The following KCNQ1OT1 variants were observed in gnomAD, a reference collection of about 807,000 sequenced individuals.
KCNQ1OT1 encodes the protein KCNQ1 antisense RNA 2 (non-protein coding).
Position 2,695,381 on chromosome 11 carries a change from G to C in KCNQ1OT1, n.4614C>G, listed in dbSNP as rs1470768343. ...ACTCCCTAGTACTGCGTGTCTGGGT[G>C]GTGTGTAATTTTAATTTAAATACAC... On this transcript the variant is annotated non_coding_transcript_exon_variant, in exon 1 of 1. Transcript: ENST00000597346. The surrounding 1 kb of genome is among the most constrained non-coding windows in gnomAD (Gnocchi z 5.2). The C allele has an allele frequency of 2.5e-6, 1 of 398,380 alleles. No individual in the cohort carries two copies. Among genetic ancestry groups the C allele is most frequent in the Non-Finnish European group, 4.4e-6 (1 of 226,060 alleles). 24.7% of individuals were successfully genotyped at this position (398,380 alleles called of 1,614,324 possible). A position where few individuals can be genotyped will look rare whatever the true frequency, so the allele number is the denominator to read the frequency against.
chr11:2,634,208 T>C (rs1159032229), exon 1 of KCNQ1OT1: 1 of 396,108 alleles, frequency 2.5e-6, no homozygotes, highest in Non-Finnish European at 4.4e-6. Flanking sequence ...CTAGGGTACA[T>C]GTGCACAACG....
chr11:2,629,477 T>A, exon 1 of KCNQ1OT1: 1 of 398,516 alleles, frequency 2.5e-6, no homozygotes. Context: ...TACATTTAGG[T>A]CTGTGGTCCA....
exon 1 of KCNQ1OT1, chr11:2,681,488 G>C (rs1258679111): frequency 5.0e-6 from 2 of 398,294 alleles, no homozygotes; most frequent in Non-Finnish European, 8.8e-6. Context: ...ATGAGAAATG[G>C]GACTTAGTAA....
At chr11:2,646,497 C>T in exon 1 of KCNQ1OT1, 1 of 398,548 alleles carries the variant, frequency 2.5e-6, no homozygotes, top group East Asian at 3.6e-5. Flanking sequence ...GGCTAATTTG[C>T]TGTTTCACAG....
In KCNQ1OT1 at chr11:2,674,624, G is replaced by C; in HGVS notation, n.25371C>G. ...GGCTCTGGCTTAAAACAGTCACAGC[G>C]AAACATGCCTTTGAATTGGAAAGCC... On this transcript the variant is annotated non_coding_transcript_exon_variant, in exon 1 of 1. Coordinates refer to ENST00000597346, the Ensembl canonical transcript of KCNQ1OT1. This position sits in a 1 kb window ranked among gnomAD's most constrained non-coding sequence, Gnocchi z 5.9. 2.5e-6 allele frequency: 1 copy of C among 398,590 alleles called. No individual in the cohort carries two copies. Among genetic ancestry groups the C allele is most frequent in the East Asian group, 3.6e-5 (1 of 28,062 alleles). The allele number at this position is 398,590 out of a possible 1,614,324, so 24.7% of individuals were successfully genotyped here.
At position 2,627,929 on chromosome 11, in the gene KCNQ1OT1, T is replaced by C. The variant is rs561744070; in HGVS notation, n.72066A>G. ...CCATGCCCAGCTAATTTTTAAAATT[T>C]TATGTAGAGATAGGGTATCACTATG... On this transcript the variant is annotated non_coding_transcript_exon_variant, in exon 1 of 1. Coordinates refer to ENST00000597346, the Ensembl canonical transcript of KCNQ1OT1. This position sits in a 1 kb window ranked among gnomAD's most constrained non-coding sequence, Gnocchi z 4.9. 17 of 398,508 alleles carry C rather than the reference T, an allele frequency of 4.3e-5. No homozygotes were observed. Among genetic ancestry groups the C allele is most frequent in the Non-Finnish European group, 7.1e-5 (16 of 226,066 alleles). The allele number at this position is 398,508 out of a possible 1,614,324, so 24.7% of individuals were successfully genotyped here.
At chr11:2,633,805 A>G (rs1237617021) in exon 1 of KCNQ1OT1, 8 of 398,520 alleles carry the variant, frequency 2.0e-5, no homozygotes, top group Non-Finnish European at 2.7e-5. Context: ...GACCCCCTGT[A>G]TATACCAAAA....
exon 1 of KCNQ1OT1, chr11:2,650,098 A>G: frequency 2.5e-6 from 1 of 397,734 alleles, no homozygotes; most frequent in Non-Finnish European, 4.4e-6. Flanking sequence ...TGTATTTTTT[A>G]TTTCATTCAT....
At position 2,613,819 on chromosome 11, in the gene KCNQ1OT1, G is replaced by T. The variant is rs1167919026; in HGVS notation, n.86176C>A. On this transcript the variant is annotated non_coding_transcript_exon_variant, in exon 1 of 1. Coordinates refer to ENST00000597346, the Ensembl canonical transcript of KCNQ1OT1. This position sits in a 1 kb window ranked among gnomAD's most constrained non-coding sequence, Gnocchi z 4.8. Reference sequence around the variant, plus strand: ...ATCCTAATTCCCCCTACCCATTATAGGTAACCAGTTTCAGTGTTTTCTAGT... The same window carrying T: ...ATCCTAATTCCCCCTACCCATTATATGTAACCAGTTTCAGTGTTTTCTAGT... The T allele has an allele frequency of 2.5e-6, 1 of 398,260 alleles. No homozygotes were observed. The highest frequency in any genetic ancestry group is 2.1e-5 in the African/African-American group (1 of 48,550). The allele number at this position is 398,260 out of a possible 1,614,324, so 24.7% of individuals were successfully genotyped here. A position where few individuals can be genotyped will look rare whatever the true frequency, so the allele number is the denominator to read the frequency against.
rs1378873663 is a variant in KCNQ1OT1 at position 2,668,195 on chromosome 11, G to A, written n.31800C>T. On this transcript the variant is annotated non_coding_transcript_exon_variant, in exon 1 of 1. Coordinates refer to ENST00000597346, the Ensembl canonical transcript of KCNQ1OT1. The surrounding 1 kb of genome is among the most constrained non-coding windows in gnomAD (Gnocchi z 4.3). ...CTGACTGGTGCTCCATTGTGTGCAT[G>A]GCCTACATCATTCATCCATTCTACC... The A allele has an allele frequency of 1.5e-5, 6 of 398,486 alleles. No individual in the cohort carries two copies. The highest frequency in any genetic ancestry group is 2.7e-5 in the Non-Finnish European group (6 of 226,080). The allele number at this position is 398,486 out of a possible 1,614,324, so 24.7% of individuals were successfully genotyped here.
At chr11:2,630,624 A>C (rs1849337548) in exon 1 of KCNQ1OT1, 1 of 398,330 alleles carries the variant, frequency 2.5e-6, no homozygotes, top group East Asian at 3.6e-5. Context: ...ATATACTACC[A>C]TTACACTATT....
At chr11:2,699,140 C>A (rs929099856) in exon 1 of KCNQ1OT1, 1 of 398,686 alleles carries the variant, frequency 2.5e-6, no homozygotes, top group Non-Finnish European at 4.4e-6. Context: ...GACTCCAATC[C>A]CAATTCAGCC....
rs1849232727 is a variant in KCNQ1OT1, at chr11:2,624,611, T to C, written n.75384A>G. On this transcript the variant is annotated non_coding_transcript_exon_variant, in exon 1 of 1. Coordinates refer to ENST00000597346, the Ensembl canonical transcript of KCNQ1OT1. The surrounding 1 kb of genome is among the most constrained non-coding windows in gnomAD (Gnocchi z 4.9). ...ACATAAAAATTACCATCCTAACCAATTTTAGTGTACAATTCAGTGAATGTA... is the reference window on the plus strand; with the variant it reads ...ACATAAAAATTACCATCCTAACCAACTTTAGTGTACAATTCAGTGAATGTA... 1 of 398,384 alleles carries C rather than the reference T, an allele frequency of 2.5e-6. No homozygotes were observed. The highest frequency in any genetic ancestry group is 2.1e-5 in the African/African-American group (1 of 48,596). The allele number at this position is 398,384 out of a possible 1,614,324, so 24.7% of individuals were successfully genotyped here.
chr11:2,657,422 T>C lies in KCNQ1OT1; in HGVS notation n.42573A>G, dbSNP rs371147129. ...CAATTTTCTCCAGAGTTCTTGCATA[T>C]ACTTAGTTAGATAATTAATATTCTT... On this transcript the variant is annotated non_coding_transcript_exon_variant, in exon 1 of 1. Transcript: ENST00000597346. The surrounding 1 kb of genome is among the most constrained non-coding windows in gnomAD (Gnocchi z 4.8). 1.8e-5 allele frequency: 7 copies of C among 398,582 alleles called. No homozygotes were observed. The highest frequency in any genetic ancestry group is 1.2e-4 in the African/African-American group (6 of 48,766). The allele number at this position is 398,582 out of a possible 1,614,324, so 24.7% of individuals were successfully genotyped here. A position where few individuals can be genotyped will look rare whatever the true frequency, so the allele number is the denominator to read the frequency against.
chr11:2,682,186 TC>T lies in KCNQ1OT1; in HGVS notation n.17808del. On this transcript the variant is annotated non_coding_transcript_exon_variant, in exon 1 of 1. Transcript: ENST00000597346. This position sits in a 1 kb window ranked among gnomAD's most constrained non-coding sequence, Gnocchi z 5.8. Reference sequence around the variant, plus strand: ...TATCAAGCTCTCTCCTGACCTTCTCTCCCCTTCCCCAGGCCAGGACTGTCTT... The same window carrying T: ...TATCAAGCTCTCTCCTGACCTTCTCTCCCTTCCCCAGGCCAGGACTGTCTT... 1 of 398,550 alleles carries T rather than the reference TC, an allele frequency of 2.5e-6. No homozygotes were observed. Among genetic ancestry groups the T allele is most frequent in the South Asian group, 1.3e-4 (1 of 7,844 alleles). 24.7% of individuals were successfully genotyped at this position (398,550 alleles called of 1,614,324 possible).
exon 1 of KCNQ1OT1, chr11:2,675,439 A>G: frequency 2.5e-6 from 1 of 398,684 alleles, no homozygotes; most frequent in Non-Finnish European, 4.4e-6. Flanking sequence ...CGTTAAAATA[A>G]AAGATGATCT....
At position 2,678,331 on chromosome 11, in the gene KCNQ1OT1, T is replaced by A. The variant is rs1403594315; in HGVS notation, n.21664A>T. On this transcript the variant is annotated non_coding_transcript_exon_variant, in exon 1 of 1. Transcript: ENST00000597346. The surrounding 1 kb of genome is among the most constrained non-coding windows in gnomAD (Gnocchi z 4.9). Reference sequence around the variant, plus strand: ...ATCATTTTTTATTTCATTTTTTACATTTAAATCCTTGCTTTATCGGGATTT... The same window carrying A: ...ATCATTTTTTATTTCATTTTTTACAATTAAATCCTTGCTTTATCGGGATTT... 2.5e-6 allele frequency: 1 copy of A among 398,448 alleles called. No individual in the cohort carries two copies. The highest frequency in any genetic ancestry group is 4.4e-6 in the Non-Finnish European group (1 of 226,032). 24.7% of individuals were successfully genotyped at this position (398,448 alleles called of 1,614,324 possible).
At chr11:2,649,982 TTTTA>T in exon 1 of KCNQ1OT1, 1 of 398,498 alleles carries the variant, frequency 2.5e-6, no homozygotes, top group Non-Finnish European at 4.4e-6. Flanking sequence ...CTTCATTCTT[TTTTA>T]TTGTTATTTT....
exon 1 of KCNQ1OT1, chr11:2,625,763 G>T (rs973109675): frequency 2.5e-6 from 1 of 397,568 alleles, no homozygotes; most frequent in African/African-American, 2.1e-5. Flanking sequence ...TAGAGACGGG[G>T]TTTCACCCTG....
Sources: gnomAD v4.1 joint callset for allele counts on GRCh38, gnomAD v4.1.1 for gene constraint, Gnocchi (gnomAD v3.1) non-coding constraint, MANE v1.5 for transcripts, NCBI Gene and HGNC (gene_info 2026-07-23, HGNC 2026-07-21) for gene names.